The following CD2AP variants were observed in gnomAD, a reference collection of about 807,000 sequenced individuals.
The protein encoded by CD2AP is CD2 associated protein.
A neutral mutation model predicts 85.1 loss-of-function variants in CD2AP; 46 were observed. The ratio of observed to expected loss-of-function variants is 0.54; its 90% CI spans 0.43 to 0.69. The LOEUF is 0.69. Ranked by LOEUF, CD2AP falls within the 30% of genes least tolerant of loss-of-function variation. The pLI, the probability that CD2AP is intolerant of heterozygous loss-of-function variation, is 0.00. For missense variants in CD2AP, 769 were observed against 729.5 expected, an observed-to-expected ratio of 1.05 and a Z score of -0.62; for synonymous variants, 255 against 252.9, an observed-to-expected ratio of 1.01 and a Z score of -0.08.
chr6:47,543,496 A>G (rs1412896558), intron 3 of CD2AP, among the ~76,000 whole-genome samples: 1 of 152,170 alleles, frequency 6.6e-6, no homozygotes, highest in Non-Finnish European at 1.5e-5. Context: ...TTATCTTCTC[A>G]CAGTTTTGGA....
At chr6:47,596,928 T>C (rs1435195047) in intron 12 of CD2AP, among the ~76,000 whole-genome samples, 1 of 152,140 alleles carries the variant, frequency 6.6e-6, no homozygotes. Context: ...ACTTATTATC[T>C]TTTATCTTTT....
chr6:47,577,169 A>G, intron 8 of CD2AP, 66 bp downstream of exon 8: 1 of 863,032 alleles, frequency 1.2e-6, no homozygotes, highest in Non-Finnish European at 2.0e-6. Context: ...CAAAAGTTAT[A>G]CATTCACCCT....
At chr6:47,543,114 G>T (rs1298343267) in intron 3 of CD2AP, among the ~76,000 whole-genome samples, 7 of 122,294 alleles carry the variant, frequency 5.7e-5, no homozygotes, top group Non-Finnish European at 7.8e-5. Context: ...TTGCGCCACC[G>T]CACTCCAGCC....
intron 1 of CD2AP, among the ~76,000 whole-genome samples, chr6:47,493,608 T>C (rs1765786504): frequency 2.0e-5 from 3 of 152,128 alleles, no homozygotes; most frequent in South Asian, 2.1e-4. Context: ...GTGTACCTTA[T>C]TATTTTTGGA....
chr6:47,575,566 G>C (rs530002745), intron 6 of CD2AP, among the ~76,000 whole-genome samples: 1 of 152,102 alleles, frequency 6.6e-6, no homozygotes, highest in Non-Finnish European at 1.5e-5. Flanking sequence ...GTTTAGAGTT[G>C]GGGAAAACTA....
intron 4 of CD2AP, among the ~76,000 whole-genome samples, chr6:47,546,539 C>G (rs1280942562): frequency 6.6e-6 from 1 of 151,992 alleles, no homozygotes; most frequent in South Asian, 2.1e-4. Flanking sequence ...TGCCTGGGCA[C>G]ATTATCATCA....
chr6:47,534,554 A>G (rs751325628), intron 3 of CD2AP, among the ~76,000 whole-genome samples: 2 of 152,126 alleles, frequency 1.3e-5, no homozygotes, highest in Non-Finnish European at 2.9e-5. Context: ...TAAATATACA[A>G]ATTAGCCGGG....
intron 2 of CD2AP, among the ~76,000 whole-genome samples, chr6:47,522,854 TATA>T (rs932686814): frequency 1.3e-5 from 2 of 151,804 alleles, no homozygotes; most frequent in African/African-American, 4.8e-5. Flanking sequence ...AATCTTTAAA[TATA>T]ATTAAAATCT....
At chr6:47,561,009 C>T (rs542656829) in intron 5 of CD2AP, among the ~76,000 whole-genome samples, 1 of 152,234 alleles carries the variant, frequency 6.6e-6, no homozygotes, top group South Asian at 2.1e-4. Context: ...GTGGGCTCAT[C>T]AGAGGGTTCT....
In CD2AP at chr6:47,579,334, T is replaced by TAAA. The variant is rs34735056; in HGVS notation, c.904-39_904-37dup. On this transcript the variant is annotated intron_variant, in intron 8 of 17. Transcript: ENST00000359314. ...TGGCCAACAGAGCAACACTTTATCT[T>TAAA]AAAAAAAAAAAAAAGGTCTATTGTC... The TAAA allele has an allele frequency of 0.32, 250,506 of 791,928 alleles. 17,407 individuals carry two copies. The highest frequency in any genetic ancestry group is 0.46 in the East Asian group (15,972 of 34,648). 49.1% of individuals were successfully genotyped at this position (791,928 alleles called of 1,614,324 possible).
At chr6:47,504,835 G>A (rs181719212) in intron 2 of CD2AP, among the ~76,000 whole-genome samples, 23 of 151,938 alleles carry the variant, frequency 1.5e-4, no homozygotes, top group Middle Eastern at 3.4e-3. Context: ...GAGTGCAATC[G>A]CATTATATTA....
rs376766953 is a variant in CD2AP, at chr6:47,510,655, A to G, written c.165+7215A>G. On this transcript the variant is annotated intron_variant, in intron 2 of 17. Transcript: ENST00000359314. ...CATATTGATATAAATAAATGGTTGA[A>G]TAAATAAACGGGAGAAAGGATAAAT... 2.1e-4 allele frequency among the ~76,000 whole-genome samples: 32 copies of G among 152,230 alleles called. 2 individuals carry two copies. The highest frequency in any genetic ancestry group is 1.2e-3 in the Admixed American group (18 of 15,284).
At position 47,478,218 on chromosome 6, in the gene CD2AP, C is replaced by T; in HGVS notation, c.-27C>T. ...GAGGAGGAGGAGGAGGAGCGGACGTCGGCTTCTCCCCGCGGGAGCCCCCAG... is the reference window on the plus strand; with the variant it reads ...GAGGAGGAGGAGGAGGAGCGGACGTTGGCTTCTCCCCGCGGGAGCCCCCAG... On this transcript the variant is annotated 5_prime_UTR_variant, in exon 1 of 18. Transcript: ENST00000359314. 1 of 1,566,480 alleles carries T rather than the reference C, an allele frequency of 6.4e-7. No homozygotes were observed. The highest frequency in any genetic ancestry group is 8.6e-7 in the Non-Finnish European group (1 of 1,156,230).
At chr6:47,548,978 A>C in intron 4 of CD2AP, among the ~76,000 whole-genome samples, 1 of 152,222 alleles carries the variant, frequency 6.6e-6, no homozygotes, top group Non-Finnish European at 1.5e-5. Flanking sequence ...ATAGATGCAG[A>C]AAAAACATTA....
intron 1 of CD2AP, among the ~76,000 whole-genome samples, chr6:47,492,148 A>T (rs944803250): frequency 6.6e-6 from 1 of 152,134 alleles, no homozygotes; most frequent in Admixed American, 6.5e-5. Context: ...TTTTGTTACT[A>T]ATTTCTATCA....
chr6:47,553,694 T>C (rs1767594317), intron 4 of CD2AP, among the ~76,000 whole-genome samples: 1 of 151,974 alleles, frequency 6.6e-6, no homozygotes, highest in African/African-American at 2.4e-5. Context: ...CTGTGAGCAC[T>C]CCTTAATATC....
chr6:47,532,348 A>G (rs1766904732), intron 2 of CD2AP, among the ~76,000 whole-genome samples: 1 of 149,158 alleles, frequency 6.7e-6, no homozygotes, highest in African/African-American at 2.5e-5. Context: ...GTCTGAAGAA[A>G]AAAAAAAAAA....
rs5876027 is a variant in CD2AP, at chr6:47,570,141, CTT to C, written c.542-3912_542-3911del. Among the ~76,000 whole-genome samples the C allele has an allele frequency of 1.6e-4, 23 of 147,056 alleles. No homozygotes were observed. The East Asian group carries it at 2.6e-3, about 17-fold the overall frequency. ...AATGCTTTTTATTTTCATCAGATTT[CTT>C]TTTTTTTTTTAAGCTTTCAGTGCAG... On this transcript the variant is annotated intron_variant, in intron 5 of 17. Transcript: ENST00000359314.
intron 4 of CD2AP, 120 bp downstream of exon 4, chr6:47,544,826 T>G (rs894867348): frequency 1.5e-6 from 1 of 681,006 alleles, no homozygotes; most frequent in Admixed American, 2.4e-5. Flanking sequence ...TTAAAAAAAA[T>G]GGTATAGAGT....
Sources: allele counts gnomAD v4.1 joint callset (sites outside exome capture counted in the v4.1 genomes callset), GRCh38; gene constraint gnomAD v4.1.1; transcripts MANE v1.5; gene names NCBI Gene and HGNC (gene_info 2026-07-23, HGNC 2026-07-21).